TMEM132D: variants seen among roughly 807,000 people sequenced by gnomAD.
TMEM132D encodes mature OL transmembrane protein.
Under a neutral mutation model 62.3 loss-of-function variants are expected in TMEM132D, and 21 were observed. The observed-to-expected ratio is 0.34, with a 90% CI of 0.24 to 0.49. The LOEUF (loss-of-function observed/expected upper bound fraction) is 0.49, where lower values mean the gene tolerates loss of function less well. TMEM132D is among the 20% of genes least tolerant of loss of function. The pLI is 0.99. For synonymous variants in TMEM132D, 621 were observed against 575.6 expected (o/e 1.08, Z -1.13); for missense variants, 1,346 against 1,402.8 (o/e 0.96, Z 0.65).
At chr12:129,194,270 C>A (rs990055267) in intron 5 of TMEM132D, among the ~76,000 whole-genome samples, 1 of 152,238 alleles carries the variant, frequency 6.6e-6, no homozygotes, top group Non-Finnish European at 1.5e-5. Flanking sequence ...AGAACACTAA[C>A]CCTGCAGCTA....
intron 5 of TMEM132D, among the ~76,000 whole-genome samples, chr12:129,154,987 C>T (rs987273): frequency 0.61 from 92,590 of 152,102 alleles, 28,761 homozygotes; most frequent in Non-Finnish European, 0.67. Context: ...AGGAAACATA[C>T]TGTTGACTAA....
intron 2 of TMEM132D, among the ~76,000 whole-genome samples, chr12:129,564,130 C>T (rs1211765053): frequency 6.6e-6 from 1 of 152,112 alleles, no homozygotes; most frequent in Non-Finnish European, 1.5e-5. Context: ...AGCTGACCTG[C>T]CTAGGTAATC....
chr12:129,191,033 C>T (rs775130640), intron 5 of TMEM132D, among the ~76,000 whole-genome samples: 2 of 152,076 alleles, frequency 1.3e-5, no homozygotes, highest in Admixed American at 6.5e-5. Flanking sequence ...ACGCCCCCTC[C>T]GGGTCACTGC....
intron 3 of TMEM132D, among the ~76,000 whole-genome samples, chr12:129,463,211 C>T (rs1037256290): frequency 2.3e-4 from 35 of 152,126 alleles, no homozygotes; most frequent in African/African-American, 8.0e-4. Context: ...GATGCAGGAA[C>T]TGTGTGAAGT....
At chr12:129,874,963 C>T (rs983572043) in intron 1 of TMEM132D, among the ~76,000 whole-genome samples, 27 of 152,132 alleles carry the variant, frequency 1.8e-4, no homozygotes, top group Non-Finnish European at 3.4e-4. Flanking sequence ...AGGCGTGAGC[C>T]GCCATGCCCG....
chr12:129,504,862 T>G (rs1027516165), intron 3 of TMEM132D, among the ~76,000 whole-genome samples: 3 of 152,206 alleles, frequency 2.0e-5, no homozygotes, highest in Non-Finnish European at 2.9e-5. Context: ...CTATGAACTT[T>G]CCCCTTAGCA....
chr12:129,157,652 A>C (rs1294414848), intron 5 of TMEM132D, among the ~76,000 whole-genome samples: 2 of 152,250 alleles, frequency 1.3e-5, no homozygotes, highest in Non-Finnish European at 2.9e-5. Flanking sequence ...TTAGCTGATA[A>C]TAATTTTAGC....
intron 3 of TMEM132D, among the ~76,000 whole-genome samples, chr12:129,405,441 G>C (rs1387774604): frequency 6.6e-6 from 1 of 152,096 alleles, no homozygotes; most frequent in East Asian, 1.9e-4. Context: ...CAAACATTCA[G>C]CCCATAACTA....
At chr12:129,590,467 A>C (rs1878157538) in intron 2 of TMEM132D, among the ~76,000 whole-genome samples, 1 of 152,206 alleles carries the variant, frequency 6.6e-6, no homozygotes, top group Non-Finnish European at 1.5e-5. Context: ...AAATGCTTCC[A>C]AACGTTATTT....
Position 129,371,303 on chromosome 12 carries a change from GATA to G in TMEM132D, c.1116-33489_1116-33487del, listed in dbSNP as rs746181854. On this transcript the variant is annotated intron_variant, in intron 3 of 8. Coordinates refer to ENST00000422113, the MANE Select transcript of TMEM132D (RefSeq NM_133448.3). The surrounding 1 kb of genome is among the most constrained non-coding windows in gnomAD (Gnocchi z 4.3). ...TGGTGACGATGATGATGATGATGGA[GATA>G]ATGATGATGGTGGTGGTGATAACGA... is the stretch of plus-strand genomic sequence containing the variant. Among the ~76,000 whole-genome samples the G allele has an allele frequency of 9.9e-5, 15 of 151,594 alleles. No homozygotes were observed. Among genetic ancestry groups the G allele is most frequent in the East Asian group, 1.9e-4 (1 of 5,168 alleles).
chr12:129,693,803 G>C (rs781592491), intron 2 of TMEM132D, among the ~76,000 whole-genome samples: 5 of 152,182 alleles, frequency 3.3e-5, no homozygotes, highest in Non-Finnish European at 7.3e-5. Context: ...ACACCCCTGG[G>C]TGGAGATTTC....
At chr12:129,581,751 T>A (rs945448475) in intron 2 of TMEM132D, among the ~76,000 whole-genome samples, 1 of 152,216 alleles carries the variant, frequency 6.6e-6, no homozygotes, top group Admixed American at 6.5e-5. Flanking sequence ...TTGACTCAAA[T>A]GTCAATCTCC....
chr12:129,507,137 C>A (rs778838632), intron 3 of TMEM132D, among the ~76,000 whole-genome samples: 1 of 152,066 alleles, frequency 6.6e-6, no homozygotes, highest in Non-Finnish European at 1.5e-5. Flanking sequence ...CAGGGAAATG[C>A]AAATCAAAAC....
chr12:129,499,455 T>C (rs1875059451), intron 3 of TMEM132D, among the ~76,000 whole-genome samples: 1 of 152,218 alleles, frequency 6.6e-6, no homozygotes, highest in Non-Finnish European at 1.5e-5. Flanking sequence ...GTAATAGAAA[T>C]GTGATATTCT....
intron 5 of TMEM132D, among the ~76,000 whole-genome samples, chr12:129,126,756 G>A (rs574752740): frequency 6.6e-6 from 1 of 152,118 alleles, no homozygotes; most frequent in Non-Finnish European, 1.5e-5. Flanking sequence ...GTAATGCGAT[G>A]GCTTTCTTGT....
intron 1 of TMEM132D, among the ~76,000 whole-genome samples, chr12:129,758,636 G>T (rs1870248886): frequency 6.6e-6 from 1 of 152,156 alleles, no homozygotes; most frequent in Non-Finnish European, 1.5e-5. Flanking sequence ...CATAGGTAGT[G>T]CCAATTCCTT....
intron 4 of TMEM132D, among the ~76,000 whole-genome samples, chr12:129,218,278 T>C (rs1205068129): frequency 4.6e-5 from 7 of 152,184 alleles, no homozygotes; most frequent in Non-Finnish European, 2.9e-5. Flanking sequence ...CAGTGAACAG[T>C]TATGGGTCAC....
At chr12:129,590,677 T>C (rs554031620) in intron 2 of TMEM132D, among the ~76,000 whole-genome samples, 31 of 152,184 alleles carry the variant, frequency 2.0e-4, no homozygotes, top group Non-Finnish European at 3.5e-4. Flanking sequence ...CTGTTTTTCC[T>C]TAGGCTGTCG....
At chr12:129,273,030 T>A (rs1423839376) in intron 4 of TMEM132D, among the ~76,000 whole-genome samples, 1 of 151,798 alleles carries the variant, frequency 6.6e-6, no homozygotes, top group Non-Finnish European at 1.5e-5. Context: ...ACCCTGTCTC[T>A]ACTAAAAATA....
Sources: allele counts gnomAD v4.1 joint callset (sites outside exome capture counted in the v4.1 genomes callset), GRCh38; gene constraint gnomAD v4.1.1; non-coding constraint Gnocchi (gnomAD v3.1); transcripts MANE v1.5; gene names NCBI Gene and HGNC (gene_info 2026-07-23, HGNC 2026-07-21).